SGCZ: variants seen among roughly 807,000 people sequenced by gnomAD.
SGCZ encodes the protein sarcoglycan zeta.
In SGCZ, 40 loss-of-function variants were observed where a neutral mutation model predicts 41.3. The ratio of observed to expected loss-of-function variants is 0.97; its 90% CI spans 0.75 to 1.26. The LOEUF (loss-of-function observed/expected upper bound fraction) is 1.26. Among genes scored for constraint, SGCZ ranks in the 50% most tolerant of loss-of-function variants. The pLI is 0.00. For synonymous variants in SGCZ, 206 were observed against 137.5 expected, an observed-to-expected ratio of 1.50 and a Z score of -3.49; for missense variants, 552 against 369.8, an observed-to-expected ratio of 1.49 and a Z score of -4.04.
At chr8:15,233,242 T>C (rs139767125) in intron 1 of SGCZ, among the ~76,000 whole-genome samples, 1 of 149,578 alleles carries the variant, frequency 6.7e-6, no homozygotes, top group East Asian at 2.0e-4. Flanking sequence ...CATAACAAAA[T>C]ACCACCTACT....
At chr8:14,576,474 T>C (rs1804716151) in intron 1 of SGCZ, among the ~76,000 whole-genome samples, 1 of 152,172 alleles carries the variant, frequency 6.6e-6, no homozygotes, top group Non-Finnish European at 1.5e-5. Flanking sequence ...ATGGAGAAGT[T>C]AGCTAAGTTA....
chr8:14,791,924 C>T (rs578100322), intron 1 of SGCZ, among the ~76,000 whole-genome samples: 3 of 152,146 alleles, frequency 2.0e-5, no homozygotes, highest in Non-Finnish European at 2.9e-5. Context: ...TTTCTCAATG[C>T]AAAGCACAGC....
At chr8:14,702,777 A>ATAGG (rs1438817093) in intron 1 of SGCZ, among the ~76,000 whole-genome samples, 1 of 104,206 alleles carries the variant, frequency 9.6e-6, no homozygotes, top group Admixed American at 9.1e-5. Context: ...AGATAGATAG[A>ATAGG]TAGACAGACA....
intron 2 of SGCZ, among the ~76,000 whole-genome samples, chr8:14,482,466 G>T (rs139934384): frequency 1.3e-5 from 2 of 151,980 alleles, no homozygotes; most frequent in South Asian, 2.1e-4. Context: ...CTCCCTTACC[G>T]CTCTCAGAAA....
At chr8:14,203,242 T>G (rs1292442535) in intron 4 of SGCZ, among the ~76,000 whole-genome samples, 1 of 152,224 alleles carries the variant, frequency 6.6e-6, no homozygotes, top group African/African-American at 2.4e-5. Context: ...ACTTTCAATC[T>G]ATAAAGACAC....
In SGCZ at chr8:14,832,497, A is replaced by G. The variant is rs1802566087; in HGVS notation, c.40-277571T>C. 2.0e-5 allele frequency among the ~76,000 whole-genome samples: 3 copies of G among 148,790 alleles called. No individual in the cohort carries two copies. In the South Asian group the frequency reaches 6.5e-4, roughly 32 times the overall value. ...CCACCGTATCTAAGAGATGGGTAGC[A>G]TTTTTTTTAACAGGGTGAATCTTTT... On this transcript the variant is annotated intron_variant, in intron 1 of 7. Transcript: ENST00000382080.
At chr8:14,117,751 T>G (rs1010893296) in intron 5 of SGCZ, among the ~76,000 whole-genome samples, 9 of 150,936 alleles carry the variant, frequency 6.0e-5, no homozygotes, top group African/African-American at 2.2e-4. Context: ...CATCCCCTAA[T>G]AGGCCCCAGT....
chr8:14,734,923 G>C (rs1173104883), intron 1 of SGCZ, among the ~76,000 whole-genome samples: 3 of 152,082 alleles, frequency 2.0e-5, no homozygotes, highest in Non-Finnish European at 1.5e-5. Flanking sequence ...CATGGTATGG[G>C]AATGGGTATT....
chr8:14,843,187 G>A (rs1802985325), intron 1 of SGCZ, among the ~76,000 whole-genome samples: 1 of 152,136 alleles, frequency 6.6e-6, no homozygotes. Flanking sequence ...ACTCCAGCCT[G>A]GGCAACAAAG....
chr8:14,874,468 T>C (rs927738473), intron 1 of SGCZ, among the ~76,000 whole-genome samples: 13 of 152,142 alleles, frequency 8.5e-5, no homozygotes, highest in African/African-American at 3.1e-4. Flanking sequence ...GGATGGGAGA[T>C]GAAATTATTC....
intron 1 of SGCZ, among the ~76,000 whole-genome samples, chr8:15,139,322 T>C (rs1012501414): frequency 6.6e-6 from 1 of 152,196 alleles, no homozygotes; most frequent in Admixed American, 6.5e-5. Context: ...ACGGGGTATG[T>C]CTAAAGAACT....
chr8:14,136,989 A>G (rs188163612), intron 5 of SGCZ, among the ~76,000 whole-genome samples: 2 of 152,268 alleles, frequency 1.3e-5, no homozygotes, highest in Admixed American at 6.5e-5. Flanking sequence ...GTTCTGCAAT[A>G]TTTGCTGTTC....
intron 1 of SGCZ, among the ~76,000 whole-genome samples, chr8:14,566,282 A>G (rs1287391673): frequency 6.6e-6 from 1 of 152,232 alleles, no homozygotes; most frequent in Non-Finnish European, 1.5e-5. Flanking sequence ...CCGAATATTG[A>G]TATAACAAGG....
intron 1 of SGCZ, among the ~76,000 whole-genome samples, chr8:14,709,557 G>C (rs973321392): frequency 1.3e-5 from 2 of 152,056 alleles, no homozygotes; most frequent in East Asian, 1.9e-4. Context: ...TAATTCGCTT[G>C]TTACGGCATA....
rs1798990318 is a variant in SGCZ at position 14,735,192 on chromosome 8, C to A, written c.40-180266G>T. Among the ~76,000 whole-genome samples the A allele has an allele frequency of 2.6e-5, 4 of 152,006 alleles. No homozygotes were observed. The South Asian group carries it at 8.3e-4, about 31-fold the overall frequency. On this transcript the variant is annotated intron_variant, in intron 1 of 7. Coordinates refer to ENST00000382080, the MANE Select transcript of SGCZ (RefSeq NM_139167.4). ...TTGACCCAAATTATTTTGTGATGGT[C>A]AATATTAGGTGTCAACTTGATTGGA...
chr8:14,338,747 T>C (rs975605561), intron 2 of SGCZ, among the ~76,000 whole-genome samples: 2 of 152,186 alleles, frequency 1.3e-5, no homozygotes, highest in African/African-American at 2.4e-5. Flanking sequence ...AACTGGCTTT[T>C]TTTGCCTTTA....
At chr8:14,960,607 G>C (rs895090860) in intron 1 of SGCZ, among the ~76,000 whole-genome samples, 4 of 152,008 alleles carry the variant, frequency 2.6e-5, no homozygotes. Flanking sequence ...GCTATGGGTG[G>C]TGCAACACCA....
At chr8:14,388,832 TAAAA>T (rs1804662670) in intron 2 of SGCZ, among the ~76,000 whole-genome samples, 1 of 113,878 alleles carries the variant, frequency 8.8e-6, no homozygotes, top group Non-Finnish European at 1.8e-5. Context: ...CAAAAATTAA[TAAAA>T]AAGAAAAAAA....
intron 5 of SGCZ, among the ~76,000 whole-genome samples, chr8:14,127,479 TGA>T (rs1434088559): frequency 6.6e-6 from 1 of 152,134 alleles, no homozygotes; most frequent in African/African-American, 2.4e-5. Context: ...TTTTTGATAC[TGA>T]GTCTCACTGT....
Sources: gnomAD v4.1 joint callset for allele counts (sites outside exome capture counted in the v4.1 genomes callset) on GRCh38, gnomAD v4.1.1 for gene constraint, MANE v1.5 for transcripts, NCBI Gene and HGNC (gene_info 2026-07-23, HGNC 2026-07-21) for gene names.